VWA3B: variants seen among roughly 807,000 people sequenced by gnomAD.
The protein encoded by VWA3B is von Willebrand factor A domain containing 3B, also known as von Willebrand factor A domain-containing protein 3B.
Under a neutral mutation model 158.3 loss-of-function variants are expected in VWA3B, and 138 were observed. The ratio of observed to expected loss-of-function variants is 0.87; its 90% CI spans 0.76 to 1.00. The LOEUF (loss-of-function observed/expected upper bound fraction) is 1.00, where lower values mean the gene tolerates loss of function less well. Among genes scored for constraint, VWA3B ranks in the 50% least tolerant of loss-of-function variants. VWA3B has a pLI of 0.00. For missense variants in VWA3B, 1,555 were observed against 1,565.1 expected (o/e 0.99, Z 0.11); for synonymous variants, 596 against 587.3 (o/e 1.01, Z -0.21).
intron 2 of VWA3B, among the ~76,000 whole-genome samples, chr2:98,112,552 CT>C (rs1371322204): frequency 6.6e-6 from 1 of 151,652 alleles, no homozygotes. Flanking sequence ...TATAATGTAT[CT>C]TTTTTTCTAT....
chr2:98,145,102 C>G (rs1263514354), intron 7 of VWA3B, among the ~76,000 whole-genome samples: 1 of 152,124 alleles, frequency 6.6e-6, no homozygotes, highest in East Asian at 1.9e-4. Flanking sequence ...CTTTAAAGTC[C>G]ATTAAGTGTT....
At chr2:98,136,252 C>G (rs1676274309) in intron 7 of VWA3B, among the ~76,000 whole-genome samples, 1 of 152,134 alleles carries the variant, frequency 6.6e-6, no homozygotes, top group African/African-American at 2.4e-5. Context: ...CATAAATTTA[C>G]TATCTTAACC....
intron 21 of VWA3B, among the ~76,000 whole-genome samples, chr2:98,257,460 A>G (rs1687228745): frequency 6.6e-6 from 1 of 151,970 alleles, no homozygotes; most frequent in Non-Finnish European, 1.5e-5. Context: ...TTGATTTACT[A>G]TCTTTGGATA....
At chr2:98,292,973 A>G (rs1029302975) in intron 23 of VWA3B, among the ~76,000 whole-genome samples, 1 of 151,996 alleles carries the variant, frequency 6.6e-6, no homozygotes, top group Non-Finnish European at 1.5e-5. Flanking sequence ...CCAAAAAAAA[A>G]AGAGAGAGAA....
intron 7 of VWA3B, among the ~76,000 whole-genome samples, chr2:98,142,812 C>G (rs1261953119): frequency 6.6e-6 from 1 of 152,078 alleles, no homozygotes; most frequent in Non-Finnish European, 1.5e-5. Context: ...AGCTGGCAGT[C>G]TCTTGAGTGA....
chr2:98,187,839 G>GCCGT, intron 9 of VWA3B, 136 bp from the exon 10 acceptor site: 1 of 932,016 alleles, frequency 1.1e-6, no homozygotes, highest in Non-Finnish European at 1.5e-6. Context: ...ATATTTGGTT[G>GCCGT]AACTAACAAA....
chr2:98,250,233 G>A (rs1686709465), intron 19 of VWA3B, 85 bp from the exon 20 acceptor site: 2 of 900,020 alleles, frequency 2.2e-6, no homozygotes, highest in African/African-American at 1.7e-5. Context: ...GAGAAAACAT[G>A]TTATACAACT....
chr2:98,288,470 G>C (rs1558764320), intron 22 of VWA3B, among the ~76,000 whole-genome samples: 1 of 152,200 alleles, frequency 6.6e-6, no homozygotes, highest in Non-Finnish European at 1.5e-5. Context: ...AGCCTTTGCT[G>C]TGCTGCTTTG....
chr2:98,160,432 A>T lies in VWA3B; in HGVS notation c.989-2419A>T, dbSNP rs914467622. Reference sequence around the variant, plus strand: ...GTAGCTGCTTCATCACGATCACTAGACTGGGGTAGTGATAATCCTAGATAC... The same window carrying T: ...GTAGCTGCTTCATCACGATCACTAGTCTGGGGTAGTGATAATCCTAGATAC... On this transcript the variant is annotated intron_variant, in intron 7 of 27. Coordinates refer to ENST00000477737, the MANE Select transcript of VWA3B (RefSeq NM_144992.5). Among the ~76,000 whole-genome samples, 3 of 151,968 alleles carry T rather than the reference A, an allele frequency of 2.0e-5. No homozygotes were observed. In the Middle Eastern group the frequency reaches 9.5e-3, roughly 481 times the overall value.
chr2:98,294,885 C>T (rs758715255), intron 23 of VWA3B, among the ~76,000 whole-genome samples: 6 of 152,160 alleles, frequency 3.9e-5, no homozygotes, highest in South Asian at 2.1e-4. Context: ...TCTTCTCCAA[C>T]GGGATTTAAA....
chr2:98,277,710 C>T (rs1688610006), intron 22 of VWA3B, among the ~76,000 whole-genome samples: 1 of 152,102 alleles, frequency 6.6e-6, no homozygotes, highest in African/African-American at 2.4e-5. Flanking sequence ...TAGGAAAATG[C>T]ACACAGGGAG....
rs1177693173 is a variant in VWA3B at position 98,236,653 on chromosome 2, T to A, written c.2596T>A (p.Ser866Thr). Residue 866 changes from serine (S) to threonine (T), a missense_variant, in exon 19 of 28, where the codon TCA becomes ACA. Physicochemically the swap from Ser to Thr is moderately conservative, Grantham distance 58 (BLOSUM62 1). Coordinates refer to ENST00000477737, the MANE Select transcript of VWA3B (RefSeq NM_144992.5). ...GAAACTCACCCTCATGGATGCCTTG[T>A]CAGTGGCAGCAGTCCCGCACAGCTC... ...AKKLTLMDAL[S>T]VAAVPHSSTY... is the part of the protein sequence containing the mutation. 1 of 1,614,238 alleles carries A rather than the reference T, an allele frequency of 6.2e-7. No individual in the cohort carries two copies. Among genetic ancestry groups the A allele is most frequent in the East Asian group, 2.2e-5 (1 of 44,892 alleles).
At chr2:98,228,438 G>C in intron 15 of VWA3B, 106 bp downstream of exon 15, 4 of 1,366,444 alleles carry the variant, frequency 2.9e-6, no homozygotes, top group African/African-American at 1.5e-5. Flanking sequence ...ATTTCTTTTA[G>C]TGAAAAGAAT....
intron 21 of VWA3B, among the ~76,000 whole-genome samples, chr2:98,266,415 T>A (rs1687830606): frequency 6.6e-6 from 1 of 151,898 alleles, no homozygotes; most frequent in Non-Finnish European, 1.5e-5. Context: ...ATCTCTGTTT[T>A]GGTACGAGTA....
the VWA3B span, among the ~76,000 whole-genome samples, chr2:98,321,791 T>C: frequency 1.3e-5 from 2 of 152,222 alleles, no homozygotes; most frequent in South Asian, 4.2e-4. Context: ...GAAAGCATGA[T>C]TGGTTTTGAT....
chr2:98,169,462 A>G (rs1018095151), intron 8 of VWA3B, among the ~76,000 whole-genome samples: 1 of 146,448 alleles, frequency 6.8e-6, no homozygotes, highest in Non-Finnish European at 1.5e-5. Flanking sequence ...ACCTGTCAGA[A>G]AAAAAAAAGA....
intron 2 of VWA3B, among the ~76,000 whole-genome samples, chr2:98,104,940 A>G (rs2104872494): frequency 6.6e-6 from 1 of 152,310 alleles, no homozygotes; most frequent in Non-Finnish European, 1.5e-5. Context: ...CCTTGGTGTT[A>G]CTGTTTTAAT....
At chr2:98,157,248 T>G (rs796943013) in intron 7 of VWA3B, among the ~76,000 whole-genome samples, 37 of 152,270 alleles carry the variant, frequency 2.4e-4, no homozygotes, top group African/African-American at 7.9e-4. Context: ...ATTGCCCCAA[T>G]AAAACATTAG....
At chr2:98,268,298 A>G (rs1687976983) in intron 21 of VWA3B, among the ~76,000 whole-genome samples, 2 of 152,136 alleles carry the variant, frequency 1.3e-5, no homozygotes, top group Admixed American at 6.5e-5. Context: ...TCAATAAAAT[A>G]CTGGCAAAAT....
Sources: gnomAD v4.1 joint callset for allele counts (sites outside exome capture counted in the v4.1 genomes callset) on GRCh38, gnomAD v4.1.1 for gene constraint, MANE v1.5 for transcripts, NCBI Gene and HGNC (gene_info 2026-07-23, HGNC 2026-07-21) for gene names.